The following SEC31B variants were observed in gnomAD, a reference collection of about 807,000 sequenced individuals.
SEC31B encodes the protein SEC31 homolog B, COPII component.
In SEC31B, 113 loss-of-function variants were observed where a neutral mutation model predicts 135.0. The observed-to-expected ratio is 0.84, with a 90% CI of 0.72 to 0.98. The LOEUF (loss-of-function observed/expected upper bound fraction) is 0.98, where lower values mean the gene tolerates loss of function less well. Ranked by LOEUF, SEC31B falls within the 50% of genes least tolerant of loss-of-function variation. The pLI is 0.00. For missense variants in SEC31B, 1,296 were observed against 1,421.1 expected (o/e 0.91, Z 1.42); for synonymous variants, 508 against 549.4 (o/e 0.92, Z 1.05).
In SEC31B at chr10:100,497,266, GA is replaced by G; in HGVS notation, c.2004del (p.Arg669AlafsTer10). On this transcript the variant is annotated frameshift_variant, in exon 17 of 26. Transcript: ENST00000370345. LOFTEE classifies it high-confidence loss of function. ...GCCCTGCTGCCCTCCTGTTCCATGCGAGTTCCCAGCATGTCTGCAGAGAGAG... is the reference window on the plus strand; with the variant it reads ...GCCCTGCTGCCCTCCTGTTCCATGCGGTTCCCAGCATGTCTGCAGAGAGAG... ...KFPELCDMLG[T>X]RMEQEGSRAL... 1 of 1,614,070 alleles carries G rather than the reference GA, an allele frequency of 6.2e-7. No homozygotes were observed.
rs1457825330 is a variant in SEC31B at position 100,488,036 on chromosome 10, A to G, written c.3351T>C (p.Cys1117=). The part of the protein sequence containing the change: ...QRLEYLYEKL[C]EGTLSPHVVA... ...AGCTAGCTGTACTTACTGTCCCCTC[A>G]CAGAGCTTCTCATATAGATACTCCA... Residue 1117 remains cysteine, a synonymous_variant, in exon 25 of 26, where the codon TGT becomes TGC. Transcript: ENST00000370345. 3 of 1,614,018 alleles carry G rather than the reference A, an allele frequency of 1.9e-6. No homozygotes were observed. The highest frequency in any genetic ancestry group is 2.2e-5 in the East Asian group (1 of 44,860).
At position 100,498,751 on chromosome 10, in the gene SEC31B, C is replaced by G; in HGVS notation, c.1638G>C (p.Glu546Asp). The change falls in exon 14 of 26, where the codon GAG becomes GAC. Residue 546 changes from glutamate to aspartate, a missense_variant. Transcript: ENST00000370345. ...AAGGAGTCATGTTCTGAGGGACCAGCTCATCAAAGAAGGCTGAGGAAGCAG... is the reference window on the plus strand; with the variant it reads ...AAGGAGTCATGTTCTGAGGGACCAGGTCATCAAAGAAGGCTGAGGAAGCAG... ...EASASSAFFD[E>D]LVPQNMTPWE... 6 of 1,613,914 alleles carry G rather than the reference C, an allele frequency of 3.7e-6. No homozygotes were observed. The highest frequency in any genetic ancestry group is 5.1e-6 in the Non-Finnish European group (6 of 1,179,904).
intron 24 of SEC31B, among the ~76,000 whole-genome samples, chr10:100,488,615 TTCCAGTA>T (rs1232919973): frequency 1.1e-4 from 17 of 152,136 alleles, no homozygotes; most frequent in African/African-American, 3.9e-4. Flanking sequence ...TCCACCCTCC[TTCCAGTA>T]CCCCTGCTGC....
intron 23 of SEC31B, 27 bp downstream of exon 23, chr10:100,489,225 G>C (rs1851251151): frequency 6.3e-7 from 1 of 1,580,956 alleles, no homozygotes; most frequent in Admixed American, 1.9e-5. Flanking sequence ...GGTTTCCCAA[G>C]GGAGGGGAAT....
chr10:100,515,668 C>A (rs984257367), intron 3 of SEC31B, among the ~76,000 whole-genome samples: 2 of 152,184 alleles, frequency 1.3e-5, no homozygotes, highest in African/African-American at 2.4e-5. Context: ...TGGAAGCCTG[C>A]AAGAGCCATG....
intron 11 of SEC31B, among the ~76,000 whole-genome samples, chr10:100,500,565 C>T (rs923052471): frequency 6.6e-6 from 1 of 152,044 alleles, no homozygotes; most frequent in African/African-American, 2.4e-5. Flanking sequence ...ATCCACCCAC[C>T]TCAGCCTCCC....
Position 100,498,715 on chromosome 10 carries a change from G to A in SEC31B, c.1674C>T (p.Pro558=), listed in dbSNP as rs766203240. The change falls in exon 14 of 26, where the codon CCC becomes CCT. Residue 558 remains proline, a synonymous_variant. Coordinates refer to ENST00000370345, the MANE Select transcript of SEC31B (RefSeq NM_015490.4). The part of the protein sequence containing the change: ...VPQNMTPWEI[P]ITKDIDGLLS... ...TCAGGGTCAGGGTACCTTTTGTGAT[G>A]GGGATCTCCCAAGGAGTCATGTTCT... is the stretch of plus-strand genomic sequence containing the variant. 6.2e-7 allele frequency: 1 copy of A among 1,611,674 alleles called. No homozygotes were observed. The highest frequency in any genetic ancestry group is 1.3e-5 in the African/African-American group (1 of 74,854).
Position 100,505,370 on chromosome 10 carries a change from A to G in SEC31B, c.1170T>C (p.Val390=). 1 of 1,613,564 alleles carries G rather than the reference A, an allele frequency of 6.2e-7. No individual in the cohort carries two copies. The highest frequency in any genetic ancestry group is 8.5e-7 in the Non-Finnish European group (1 of 1,179,746). The change falls in exon 10 of 26, where the codon GTT becomes GTC. Residue 390 remains valine, a synonymous_variant. Transcript: ENST00000370345. ...PPKWIRRPTG[V]SFAFGGKLVT... ...CATCCACTACACTTACAGCAAATGA[A>G]ACACCTGTTGGTCTTCTAATCCATT... is the stretch of plus-strand genomic sequence containing the variant.
rs748138185 is a variant in SEC31B at position 100,505,402 on chromosome 10, GTT to G, written c.1136_1137del (p.Lys379ThrfsTer6). 2.5e-6 allele frequency: 4 copies of G among 1,612,004 alleles called. No homozygotes were observed. Among genetic ancestry groups the G allele is most frequent in the Non-Finnish European group, 3.4e-6 (4 of 1,178,964 alleles). On this transcript the variant is annotated frameshift_variant, in exon 10 of 26. Coordinates refer to ENST00000370345, the MANE Select transcript of SEC31B (RefSeq NM_015490.4). LOFTEE classifies it high-confidence loss of function. ...AQAPLIPPLK[K>X]PPKWIRRPTG... ...GTTGGTCTTCTAATCCATTTGGGGG[GTT>G]TTTTCAGGGGAGGTATCAGTGGTGC...
intron 19 of SEC31B, among the ~76,000 whole-genome samples, chr10:100,493,223 A>C (rs1446026254): frequency 1.3e-5 from 2 of 151,964 alleles, no homozygotes; most frequent in Admixed American, 1.3e-4. Context: ...AATACAAAAA[A>C]TTATCCGGGC....
At position 100,489,774 on chromosome 10, in the gene SEC31B, A is replaced by T; in HGVS notation, c.2966-13T>A. ...GAATCTTGAGGTCCTATAGAATAAA[A>T]AGATAGAGGTTTTTCGGCGCATAGT... On this transcript the variant is annotated splice_polypyrimidine_tract_variant and intron_variant, in intron 21 of 25. Coordinates refer to ENST00000370345, the MANE Select transcript of SEC31B (RefSeq NM_015490.4). 1 of 1,613,814 alleles carries T rather than the reference A, an allele frequency of 6.2e-7. No homozygotes were observed. The highest frequency in any genetic ancestry group is 1.1e-5 in the South Asian group (1 of 91,070).
chr10:100,489,671 G>T, intron 22 of SEC31B, 32 bp downstream of exon 22: 1 of 1,614,092 alleles, frequency 6.2e-7, no homozygotes, highest in South Asian at 1.1e-5. Context: ...TGGTGAATGT[G>T]CGAGGGAGTG....
intron 6 of SEC31B, 28 bp from the exon 7 acceptor site, chr10:100,507,595 G>T (rs1257428990): frequency 2.5e-6 from 4 of 1,612,686 alleles, no homozygotes; most frequent in Non-Finnish European, 3.4e-6. Context: ...CCCAATGGGT[G>T]CTGTAACCTG....
chr10:100,506,680 A>C (rs1851639014), intron 7 of SEC31B, among the ~76,000 whole-genome samples: 1 of 152,204 alleles, frequency 6.6e-6, no homozygotes, highest in Admixed American at 6.5e-5. Context: ...CTCTTAGATC[A>C]CTGCAGGATG....
chr10:100,502,174 G>T, intron 11 of SEC31B, 80 bp downstream of exon 11: 2 of 1,082,814 alleles, frequency 1.8e-6, no homozygotes, highest in Non-Finnish European at 2.8e-6. Context: ...GTGTGCTTGT[G>T]CTTCTCCTGC....
chr10:100,496,972 G>A (rs1851421219), intron 17 of SEC31B, among the ~76,000 whole-genome samples, 163 bp downstream of exon 17: 1 of 152,214 alleles, frequency 6.6e-6, no homozygotes, highest in African/African-American at 2.4e-5. Flanking sequence ...CTTCTCTGAG[G>A]GAAGAGGAGA....
At chr10:100,516,648 C>CAAAA (rs59172062) in intron 2 of SEC31B, among the ~76,000 whole-genome samples, 10 of 47,506 alleles carry the variant, frequency 2.1e-4, no homozygotes, top group African/African-American at 4.0e-4. Context: ...GACTCTGTCT[C>CAAAA]AAAAAAAAAA....
At chr10:100,506,468 T>C (rs759788570) in intron 7 of SEC31B, 48 bp from the exon 8 acceptor site, 23 of 1,511,036 alleles carry the variant, frequency 1.5e-5, no homozygotes, top group Non-Finnish European at 2.0e-5. Flanking sequence ...ATGCCTACTA[T>C]GAGTAGGGTG....
intron 24 of SEC31B, 122 bp from the exon 25 acceptor site, chr10:100,488,220 G>A (rs2133665879): frequency 1.2e-6 from 1 of 834,708 alleles, no homozygotes; most frequent in East Asian, 2.7e-5. Flanking sequence ...AGCACCTTGG[G>A]AGGCCAAGGC....
Sources: gnomAD v4.1 joint callset for allele counts (sites outside exome capture counted in the v4.1 genomes callset) on GRCh38, gnomAD v4.1.1 for gene constraint, MANE v1.5 for transcripts, NCBI Gene and HGNC (gene_info 2026-07-23, HGNC 2026-07-21) for gene names.